Variants in ANKRD36B observed in about 807,000 individuals in gnomAD.
The protein encoded by ANKRD36B is ankyrin repeat domain 36B, also known as ankyrin repeat domain-containing protein 36B.
A neutral mutation model predicts 135.7 loss-of-function variants in ANKRD36B; 37 were observed. The ratio of observed to expected loss-of-function variants is 0.27; its 90% CI spans 0.21 to 0.36. The LOEUF is 0.36. Ranked by LOEUF, ANKRD36B falls within the 10% of genes least tolerant of loss-of-function variation. The pLI is 1.00. For synonymous variants in ANKRD36B, 179 were observed against 348.1 expected (o/e 0.51, Z 5.41); for missense variants, 549 against 1,037.1 (o/e 0.53, Z 6.46).
chr2:97,553,072 C>A (rs2080204113), intron 16 of ANKRD36B, 96 bp downstream of exon 16: 1 of 1,429,158 alleles, frequency 7.0e-7, no homozygotes, highest in Non-Finnish European at 9.5e-7. Context: ...GCAGCTTCAG[C>A]GAGCCCCCCA....
At chr2:97,564,860 T>A (rs2081317514) in intron 6 of ANKRD36B, among the ~76,000 whole-genome samples, 1 of 152,144 alleles carries the variant, frequency 6.6e-6, no homozygotes, top group Non-Finnish European at 1.5e-5. Context: ...TATGGGCTCT[T>A]TTTTTGGTTC....
Position 97,589,724 on chromosome 2 carries a change from T to C in ANKRD36B, c.-39A>G, listed in dbSNP as rs766294687. Reference sequence around the variant, plus strand: ...CTCTCCCGCTCGTCGTCTTCCTTAATCGTCGGCTGCAAATTGTAGCCTGCA... The same window carrying C: ...CTCTCCCGCTCGTCGTCTTCCTTAACCGTCGGCTGCAAATTGTAGCCTGCA... On this transcript the variant is annotated 5_prime_UTR_variant, in exon 1 of 44. Transcript: ENST00000359901. 5 of 1,613,510 alleles carry C rather than the reference T, an allele frequency of 3.1e-6. No individual in the cohort carries two copies. Among genetic ancestry groups the C allele is most frequent in the Non-Finnish European group, 4.2e-6 (5 of 1,179,928 alleles).
rs1324173839 is a variant in ANKRD36B at position 97,536,729 on chromosome 2, T to C, written c.2090-233A>G. On this transcript the variant is annotated intron_variant, in intron 32 of 43. Transcript: ENST00000359901. ...AAAAAGTGAGATTATGCACCACATC[T>C]ATTGCTAAAAAAAAGTGTTAATATC... Among the ~76,000 whole-genome samples, 15 of 96,612 alleles carry C rather than the reference T, an allele frequency of 1.6e-4. 4 individuals carry two copies. The highest frequency in any genetic ancestry group is 4.7e-4 in the African/African-American group (15 of 32,208). The allele number at this position is 96,612 out of a possible 152,430, so 63.4% of individuals were successfully genotyped here.
chr2:97,566,391 T>G (rs1256738812), intron 6 of ANKRD36B, among the ~76,000 whole-genome samples: 1 of 152,120 alleles, frequency 6.6e-6, no homozygotes, highest in Non-Finnish European at 1.5e-5. Context: ...AAGACTTTGA[T>G]GCTTTATTAC....
chr2:97,562,950 T>C (rs573160436), intron 6 of ANKRD36B, among the ~76,000 whole-genome samples: 2 of 152,096 alleles, frequency 1.3e-5, no homozygotes, highest in African/African-American at 4.8e-5. Context: ...TTTCACCTCA[T>C]ATTATGAGTT....
At chr2:97,548,452 T>C (rs1031082479) in intron 20 of ANKRD36B, among the ~76,000 whole-genome samples, 2 of 151,946 alleles carry the variant, frequency 1.3e-5, no homozygotes, top group Non-Finnish European at 2.9e-5. Flanking sequence ...TTGACATACC[T>C]ATACAAAGTA....
In ANKRD36B at chr2:97,528,312, A is replaced by G. The variant is rs539128462; in HGVS notation, c.2265+3999T>C. Among the ~76,000 whole-genome samples, 11 of 94,996 alleles carry G rather than the reference A, an allele frequency of 1.2e-4. 2 individuals carry two copies. In the South Asian group the frequency reaches 1.2e-3, roughly 10 times the overall value. 62.3% of individuals were successfully genotyped at this position (94,996 alleles called of 152,430 possible). A position where few individuals can be genotyped will look rare whatever the true frequency, so the allele number is the denominator to read the frequency against. On this transcript the variant is annotated intron_variant, in intron 35 of 43. Transcript: ENST00000359901. ...CTGCTCCTGAATGACTACTGGGTACATAACGAAATGAAGGCAGAAATAAAG... is the reference window on the plus strand; with the variant it reads ...CTGCTCCTGAATGACTACTGGGTACGTAACGAAATGAAGGCAGAAATAAAG...
At position 97,551,332 on chromosome 2, in the gene ANKRD36B, C is replaced by T. The variant is rs550556385; in HGVS notation, c.1332G>A (p.Ser444=). ...KATSDEKDSF[S]NITREKKDGE... ...CATCCTTTTTTTCTCTGGTTATATT[C>T]GAAAAAGAATCTTTCTCATCACTTG... Residue 444 remains serine (S), a synonymous_variant, in exon 18 of 44, where the codon TCG becomes TCA. Transcript: ENST00000359901. The T allele has an allele frequency of 3.9e-5, 62 of 1,584,564 alleles. No individual in the cohort carries two copies. The highest frequency in any genetic ancestry group is 5.3e-5 in the Admixed American group (3 of 56,580).
intron 37 of ANKRD36B, among the ~76,000 whole-genome samples, chr2:97,514,050 C>T (rs2077686465): frequency 7.4e-6 from 1 of 134,830 alleles, no homozygotes; most frequent in Non-Finnish European, 1.5e-5. Context: ...GGCACATGTT[C>T]TCAGGACCTC....
In ANKRD36B at chr2:97,555,062, G is replaced by A. The variant is rs1331769330; in HGVS notation, c.1169C>T (p.Thr390Ile). 5 of 1,611,722 alleles carry A rather than the reference G, an allele frequency of 3.1e-6. No individual in the cohort carries two copies. The Admixed American group carries it at 6.7e-5, about 22-fold the overall frequency. The change falls in exon 14 of 44, where the codon ACA (threonine) becomes ATA (isoleucine). Residue 390 changes from threonine to isoleucine, a missense_variant and splice_region_variant. Physicochemically the swap from Thr to Ile is moderately conservative, Grantham distance 89. Coordinates refer to ENST00000359901, the MANE Select transcript of ANKRD36B (RefSeq NM_001393939.1). ...TEIKDGLQCG[T>I]VSSQKQQALK... ...TTAAATGTGTTTTGCAAAATTACCT[G>A]TCCCACATTGTAGTCCATCCTTTAT... is the stretch of plus-strand genomic sequence containing the variant.
rs1468458264 is a variant in ANKRD36B at position 97,527,008 on chromosome 2, A to C, written c.2266-3541T>G. On this transcript the variant is annotated intron_variant, in intron 35 of 43. Coordinates refer to ENST00000359901, the MANE Select transcript of ANKRD36B (RefSeq NM_001393939.1). ...GGATATTATCCAGGAGAACTTCCCC[A>C]ATCTAGCAAGGCAGGCCAACATTCA... is the stretch of plus-strand genomic sequence containing the variant. Among the ~76,000 whole-genome samples the C allele has an allele frequency of 2.1e-5, 2 of 96,748 alleles. 1 individual carries two copies. The highest frequency in any genetic ancestry group is 5.5e-5 in the Non-Finnish European group (2 of 36,406). 63.5% of individuals were successfully genotyped at this position (96,748 alleles called of 152,430 possible). A position where few individuals can be genotyped will look rare whatever the true frequency, so the allele number is the denominator to read the frequency against.
rs373304719 is a variant in ANKRD36B, at chr2:97,496,833, G to GTGTATA, written c.*7-3979_*7-3978insTATACA. On this transcript the variant is annotated intron_variant, in intron 43 of 43. Coordinates refer to ENST00000359901, the MANE Select transcript of ANKRD36B (RefSeq NM_001393939.1). ...TGTGTGTGTATGTATATATGTGTGT[G>GTGTATA]TATATATATATATATATATATATAT... 2.6e-3 allele frequency among the ~76,000 whole-genome samples: 164 copies of GTGTATA among 62,056 alleles called. 6 individuals are homozygous for GTGTATA. Among genetic ancestry groups the GTGTATA allele is most frequent in the African/African-American group, 0.013 (146 of 11,384 alleles). 40.7% of individuals were successfully genotyped at this position (62,056 alleles called of 152,430 possible).
rs56775263 is a variant in ANKRD36B, at chr2:97,496,833, GTATATATATATATA to G, written c.*7-3992_*7-3979del. Reference sequence around the variant, plus strand: ...TGTGTGTGTATGTATATATGTGTGTGTATATATATATATATATATATATATATCTTTTAAAATAT... The same window carrying G: ...TGTGTGTGTATGTATATATGTGTGTGTATATATATATATCTTTTAAAATAT... On this transcript the variant is annotated intron_variant, in intron 43 of 43. Transcript: ENST00000359901. Among the ~76,000 whole-genome samples the G allele has an allele frequency of 8.1e-4, 50 of 62,082 alleles. 7 individuals carry two copies. Among genetic ancestry groups the G allele is most frequent in the African/African-American group, 4.2e-3 (48 of 11,396 alleles). 40.7% of individuals were successfully genotyped at this position (62,082 alleles called of 152,430 possible).
At chr2:97,553,855 G>A (rs1187283192) in intron 14 of ANKRD36B, among the ~76,000 whole-genome samples, 1 of 151,960 alleles carries the variant, frequency 6.6e-6, no homozygotes, top group Admixed American at 6.6e-5. Flanking sequence ...TCAGTTGAAT[G>A]TACACGTCAT....
rs2442280 is a variant in ANKRD36B, at chr2:97,576,898, C to T, written c.696-452G>A. On this transcript the variant is annotated intron_variant, in intron 5 of 43. Coordinates refer to ENST00000359901, the MANE Select transcript of ANKRD36B (RefSeq NM_001393939.1). ...AGTGGAGCTTGTTCTTGAACTTTAT[C>T]GCTGAAACTATTTTGAAATCCCAAA... is the stretch of plus-strand genomic sequence containing the variant. 2.3e-4 allele frequency among the ~76,000 whole-genome samples: 35 copies of T among 152,090 alleles called. 2 individuals are homozygous for T. The highest frequency in any genetic ancestry group is 3.3e-4 in the Admixed American group (5 of 15,258).
At chr2:97,573,938 A>G (rs895716249) in intron 6 of ANKRD36B, among the ~76,000 whole-genome samples, 53 of 152,230 alleles carry the variant, frequency 3.5e-4, no homozygotes, top group Middle Eastern at 3.4e-3. Flanking sequence ...AAAAACCCTA[A>G]AAGAAAACCT....
rs1559183118 is a variant in ANKRD36B, at chr2:97,557,085, TA to T, written c.996+18del. 2.6e-6 allele frequency: 4 copies of T among 1,544,722 alleles called. No homozygotes were observed. In the African/African-American group the frequency reaches 4.1e-5, roughly 16 times the overall value. ...GCTATGCAATAAATAATTCAAAATA[TA>T]AATGAAAGAGTAACTACCTTCTGGG... On this transcript the variant is annotated intron_variant, in intron 11 of 43. Transcript: ENST00000359901.
chr2:97,544,613 C>A (rs531308480), intron 24 of ANKRD36B, among the ~76,000 whole-genome samples: 2 of 96,314 alleles, frequency 2.1e-5, no homozygotes, highest in South Asian at 2.3e-4. Context: ...ACTCATTTAG[C>A]CTTCTGAAAG....
intron 6 of ANKRD36B, 65 bp from the exon 7 acceptor site, chr2:97,560,925 T>C (rs2080970518): frequency 7.0e-6 from 9 of 1,277,488 alleles, no homozygotes; most frequent in Non-Finnish European, 9.7e-6. Context: ...CATACATTAA[T>C]GCATGGATAG....
Sources: gnomAD v4.1 joint callset for allele counts (sites outside exome capture counted in the v4.1 genomes callset) on GRCh38, gnomAD v4.1.1 for gene constraint, MANE v1.5 for transcripts, NCBI Gene and HGNC (gene_info 2026-07-23, HGNC 2026-07-21) for gene names.